METTL8: variants seen among roughly 807,000 people sequenced by gnomAD.
METTL8 encodes tRNA N(3)-cytidine methyltransferase METTL8, mitochondrial.
In METTL8, 32 loss-of-function variants were observed where a neutral mutation model predicts 48.7. That is an observed-to-expected ratio of 0.66 (90% CI 0.50 to 0.88). The LOEUF is 0.88. METTL8 is among the 40% of genes least tolerant of loss of function. The probability of loss-of-function intolerance (pLI) is 0.00; values close to 1 mark genes in which losing one functional copy is unlikely to be tolerated. For synonymous variants in METTL8, 136 were observed against 157.1 expected, an observed-to-expected ratio of 0.87 and a Z score of 1.01; for missense variants, 464 against 474.4, an observed-to-expected ratio of 0.98 and a Z score of 0.20.
chr2:171,364,776 AC>A (rs1442150868), intron 2 of METTL8, among the ~76,000 whole-genome samples: 13 of 152,284 alleles, frequency 8.5e-5, no homozygotes, highest in Non-Finnish European at 1.6e-4. Context: ...GCTTCCTGTT[AC>A]AACTTTTAAT....
intron 3 of METTL8, among the ~76,000 whole-genome samples, chr2:171,356,952 A>ATGTTTTTGTTTTTTTTTTTTTT: frequency 5.0e-4 from 39 of 78,464 alleles, no homozygotes; most frequent in Non-Finnish European, 8.5e-4. Flanking sequence ...CAAAGACAAT[A>ATGTTTTTGTTTTTTTTTTTTTT]TTTTTTTTTT....
Position 171,323,232 on chromosome 2 carries a change from T to TC in METTL8, c.*939_*940insG, listed in dbSNP as rs1317132749. 1 of 139,358 alleles carries TC rather than the reference T, an allele frequency of 7.2e-6. No homozygotes were observed. 8.6% of individuals were successfully genotyped at this position (139,358 alleles called of 1,614,324 possible). ...AGCTTGTCAGCTTACATACCTTTTT[T>TC]TTTTTTTTTTTTTTTTTTGGAGACA... On this transcript the variant is annotated 3_prime_UTR_variant, in exon 10 of 10. Coordinates refer to ENST00000375258, the MANE Select transcript of METTL8 (RefSeq NM_001321154.2).
chr2:171,375,086 G>A lies in METTL8; in HGVS notation c.144-14573C>T, dbSNP rs1471636741. The A allele has an allele frequency of 3.4e-6, 4 of 1,178,324 alleles. No homozygotes were observed. The Admixed American group carries it at 5.0e-5, about 15-fold the overall frequency. The allele number at this position is 1,178,324 out of a possible 1,614,324, so 73.0% of individuals were successfully genotyped here. A position where few individuals can be genotyped will look rare whatever the true frequency, so the allele number is the denominator to read the frequency against. On this transcript the variant is annotated intron_variant, in intron 2 of 9. Coordinates refer to ENST00000375258, the MANE Select transcript of METTL8 (RefSeq NM_001321154.2). ...TAATATAGCTTCACATACAGCTTGGGAAGCACATAGGCATTGAAGACGCTC... is the reference window on the plus strand; with the variant it reads ...TAATATAGCTTCACATACAGCTTGGAAAGCACATAGGCATTGAAGACGCTC...
At chr2:171,382,729 A>G (rs1432740332) in intron 2 of METTL8, among the ~76,000 whole-genome samples, 5 of 152,176 alleles carry the variant, frequency 3.3e-5, no homozygotes, top group African/African-American at 1.2e-4. Context: ...AATTTAAAAA[A>G]AAAGAAAGAA....
chr2:171,372,171 G>C (rs1308005327), intron 2 of METTL8, among the ~76,000 whole-genome samples: 1 of 152,160 alleles, frequency 6.6e-6, no homozygotes, highest in Admixed American at 6.6e-5. Context: ...AGGACACAAA[G>C]ATGAGGAAGA....
rs1379597936 is a variant in METTL8 at position 171,392,066 on chromosome 2, G to C, written c.120C>G (p.Ala40=). The C allele has an allele frequency of 1.3e-6, 2 of 1,551,342 alleles. No homozygotes were observed. Among genetic ancestry groups the C allele is most frequent in the African/African-American group, 2.7e-5 (2 of 73,018 alleles). ...PLGSRILTDP[A]KVFEHNMWDH... ...ACCACATGTTGTGTTCAAAAACTTT[G>C]GCTGGGTCAGTTAAAATCCTTGATC... The change falls in exon 2 of 10, where the codon GCC becomes GCG. Residue 40 remains alanine (A), a synonymous_variant. Transcript: ENST00000375258.
intron 6 of METTL8, 53 bp from the exon 7 acceptor site, chr2:171,330,751 ATTT>A (rs879190669): frequency 2.9e-5 from 35 of 1,195,926 alleles, no homozygotes; most frequent in South Asian, 8.5e-5. Flanking sequence ...GACTTCCGGG[ATTT>A]TTTTTTTTTT....
chr2:171,356,950 A>ATTTTTTTTTTT (rs1202277226), intron 3 of METTL8, among the ~76,000 whole-genome samples: 3 of 4,744 alleles, frequency 6.3e-4, no homozygotes, highest in African/African-American at 8.9e-4. Flanking sequence ...TTCAAAGACA[A>ATTTTTTTTTTT]TATTTTTTTT....
chr2:171,407,802 A>G (rs1409654153), intron 1 of METTL8, among the ~76,000 whole-genome samples: 1 of 152,232 alleles, frequency 6.6e-6, no homozygotes, highest in Non-Finnish European at 1.5e-5. Flanking sequence ...CTGTGTTTGC[A>G]TTTATGATCT....
At chr2:171,349,556 T>A (rs1049431186) in intron 3 of METTL8, among the ~76,000 whole-genome samples, 2 of 152,196 alleles carry the variant, frequency 1.3e-5, no homozygotes, top group Non-Finnish European at 2.9e-5. Context: ...GTTTTAACCA[T>A]TCATCTGATG....
chr2:171,368,770 A>G (rs1685982343), intron 2 of METTL8, among the ~76,000 whole-genome samples: 1 of 152,082 alleles, frequency 6.6e-6, no homozygotes, highest in Non-Finnish European at 1.5e-5. Context: ...GGCCCTGTGG[A>G]GCAGTCTTGT....
chr2:171,396,673 G>C (rs907611097), intron 1 of METTL8, among the ~76,000 whole-genome samples: 1 of 152,088 alleles, frequency 6.6e-6, no homozygotes. Flanking sequence ...AATAACCTAT[G>C]AGTAAAAGAA....
At chr2:171,398,607 C>T (rs559345945) in intron 1 of METTL8, among the ~76,000 whole-genome samples, 1 of 152,200 alleles carries the variant, frequency 6.6e-6, no homozygotes, top group East Asian at 1.9e-4. Flanking sequence ...AGGATGAACA[C>T]GTCTACAGAT....
intron 2 of METTL8, among the ~76,000 whole-genome samples, chr2:171,368,620 A>G (rs1685963596): frequency 6.6e-6 from 1 of 151,662 alleles, no homozygotes; most frequent in Admixed American, 6.6e-5. Context: ...ATGTGTCAAC[A>G]TTTAGAAGAT....
At chr2:171,353,314 T>G (rs1177905736) in intron 3 of METTL8, among the ~76,000 whole-genome samples, 2 of 152,250 alleles carry the variant, frequency 1.3e-5, no homozygotes, top group Non-Finnish European at 2.9e-5. Flanking sequence ...CTAGTTTGAT[T>G]GCACTGTGGT....
At chr2:171,356,952 A>ATGTTTTTTTGTTTTTTTTTTTTTTT in intron 3 of METTL8, among the ~76,000 whole-genome samples, 1 of 78,468 alleles carries the variant, frequency 1.3e-5, no homozygotes. Flanking sequence ...CAAAGACAAT[A>ATGTTTTTTTGTTTTTTTTTTTTTTT]TTTTTTTTTT....
At chr2:171,356,287 G>A (rs192678451) in intron 3 of METTL8, among the ~76,000 whole-genome samples, 91 of 152,194 alleles carry the variant, frequency 6.0e-4, no homozygotes, top group Middle Eastern at 3.4e-3. Flanking sequence ...CTACAGGTGT[G>A]TGCCACCAGA....
chr2:171,387,514 A>G (rs917178124), intron 2 of METTL8, among the ~76,000 whole-genome samples: 3 of 151,928 alleles, frequency 2.0e-5, no homozygotes, highest in Admixed American at 2.0e-4. Context: ...AGGGCGACAG[A>G]GCGAGACTCT....
chr2:171,356,522 T>TTCTA lies in METTL8; in HGVS notation c.235+3896_235+3899dup, dbSNP rs200819513. On this transcript the variant is annotated intron_variant, in intron 3 of 9. Transcript: ENST00000375258. ...TATATTGAACATGAGGTCTTAACCC[T>TTCTA]TCTAACTGTATATTTGTACCCATTA... Among the ~76,000 whole-genome samples, 290 of 152,268 alleles carry TTCTA rather than the reference T, an allele frequency of 1.9e-3. 5 individuals are homozygous for TTCTA. In the East Asian group the frequency reaches 0.028, roughly 15 times the overall value.
Sources: allele counts gnomAD v4.1 joint callset (sites outside exome capture counted in the v4.1 genomes callset), GRCh38; gene constraint gnomAD v4.1.1; transcripts MANE v1.5; gene names NCBI Gene and HGNC (gene_info 2026-07-23, HGNC 2026-07-21).